KLHL36: variants seen among roughly 807,000 people sequenced by gnomAD.
KLHL36 encodes the protein kelch-like protein 36.
A neutral mutation model predicts 53.3 loss-of-function variants in KLHL36; 35 were observed. The ratio of observed to expected loss-of-function variants is 0.66; its 90% confidence interval spans 0.50 to 0.87. The LOEUF is 0.87. Among genes scored for constraint, KLHL36 ranks in the 40% least tolerant of loss-of-function variants. The pLI, the probability that KLHL36 is intolerant of heterozygous loss-of-function variation, is 0.00. For missense variants in KLHL36, 864 were observed against 897.6 expected, an observed-to-expected ratio of 0.96 and a Z score of 0.48; for synonymous variants, 472 against 398.9, an observed-to-expected ratio of 1.18 and a Z score of -2.18.
At chr16:84,659,370 A>G (rs1283750365) in intron 3 of KLHL36, 3 of 189,850 alleles carry the variant, frequency 1.6e-5, no homozygotes, top group Admixed American at 5.6e-5. Context: ...GAGCAGCACT[A>G]ACTTTACAAA....
At chr16:84,652,733 C>T (rs1369686314) in intron 2 of KLHL36, among the ~76,000 whole-genome samples, 1 of 152,232 alleles carries the variant, frequency 6.6e-6, no homozygotes, top group Non-Finnish European at 1.5e-5. Context: ...GTGGTTTGAT[C>T]TGCTTTTGAA....
chr16:84,657,713 C>G lies in KLHL36; in HGVS notation c.906C>G (p.Gly302=). The G allele has an allele frequency of 6.2e-7, 1 of 1,612,462 alleles. No individual in the cohort carries two copies. Among genetic ancestry groups the G allele is most frequent in the Non-Finnish European group, 8.5e-7 (1 of 1,179,726 alleles). Residue 302 remains glycine, a synonymous_variant, in exon 3 of 5, where the codon GGC becomes GGG. Coordinates refer to ENST00000564996, the MANE Select transcript of KLHL36 (RefSeq NM_024731.4). ...AGGAGCGCCTGCTGTTTGTGGGCGG[C>G]GAGGTCTCCGAGCGGTGTCTGGAGC... ...TNQERLLFVG[G]EVSERCLELS...
chr16:84,651,502 G>A (rs965139443), intron 2 of KLHL36, among the ~76,000 whole-genome samples: 1 of 152,204 alleles, frequency 6.6e-6, no homozygotes, highest in Non-Finnish European at 1.5e-5. Flanking sequence ...AGACCCGGCT[G>A]CTATACTTTC....
At chr16:84,660,683 G>A (rs182109588) in intron 4 of KLHL36, among the ~76,000 whole-genome samples, 1 of 152,078 alleles carries the variant, frequency 6.6e-6, no homozygotes, top group Non-Finnish European at 1.5e-5. Flanking sequence ...GTGCAGTGGC[G>A]CGATCTCGGC....
At chr16:84,660,704 C>T (rs1423480590) in intron 4 of KLHL36, among the ~76,000 whole-genome samples, 1 of 152,160 alleles carries the variant, frequency 6.6e-6, no homozygotes, top group African/African-American at 2.4e-5. Flanking sequence ...TCACTGCAAT[C>T]TCTGCCTCCT....
In KLHL36 at chr16:84,661,874, C is replaced by A. The variant is rs754689351; in HGVS notation, c.1592C>A (p.Pro531Gln). ...PQCNQWTRVAPLLHANSESGV... is the reference protein window; with the variant it reads ...PQCNQWTRVAQLLHANSESGV... ...TGCAACCAGTGGACCCGCGTGGCGC[C>A]GCTGCTGCACGCCAACAGCGAGTCG... Residue 531 changes from proline (P) to glutamine (Q), a missense_variant, in exon 5 of 5, where the codon CCG becomes CAG. By Grantham distance (76) the Pro-to-Gln change is moderately conservative. Transcript: ENST00000564996. This position sits in a 1 kb window ranked among gnomAD's most constrained non-coding sequence, Gnocchi z 7.9. The A allele has an allele frequency of 6.2e-7, 1 of 1,600,168 alleles. No homozygotes were observed. The highest frequency in any genetic ancestry group is 1.1e-5 in the South Asian group (1 of 90,642).
intron 2 of KLHL36, among the ~76,000 whole-genome samples, chr16:84,656,321 G>A (rs2150723396): frequency 6.6e-6 from 1 of 151,200 alleles, no homozygotes; most frequent in East Asian, 2.0e-4. Flanking sequence ...CCAGGCTGGA[G>A]TGTAGTGGTG....
intron 1 of KLHL36, among the ~76,000 whole-genome samples, chr16:84,649,916 G>C (rs1906738005): frequency 6.6e-6 from 1 of 152,178 alleles, no homozygotes; most frequent in Admixed American, 6.6e-5. Context: ...AGTTGGCAAA[G>C]TCCCTTCTCT....
At chr16:84,651,547 A>C (rs1906881065) in intron 2 of KLHL36, among the ~76,000 whole-genome samples, 1 of 152,194 alleles carries the variant, frequency 6.6e-6, no homozygotes, top group Non-Finnish European at 1.5e-5. Flanking sequence ...CTGTTGGTAA[A>C]GAGTGGGGGA....
Position 84,656,973 on chromosome 16 carries a change from C to CGT in KLHL36, c.170_171dup (p.Pro58CysfsTer33). 6.2e-7 allele frequency: 1 copy of CGT among 1,613,946 alleles called. No individual in the cohort carries two copies. Among genetic ancestry groups the CGT allele is most frequent in the Non-Finnish European group, 8.5e-7 (1 of 1,180,040 alleles). On this transcript the variant is annotated frameshift_variant, in exon 3 of 5. Coordinates refer to ENST00000564996, the MANE Select transcript of KLHL36 (RefSeq NM_024731.4). LOFTEE classifies it high-confidence loss of function. ...CGTCGTCCTGGTGGCCGATGAGCAG[C>CGT]GTGTGCCAGCCCATCGCAACCTGCT... is the stretch of plus-strand genomic sequence containing the variant.
In KLHL36 at chr16:84,664,998, C is replaced by G. The variant is rs1907761431; in HGVS notation, c.*2865C>G. 1 of 152,236 alleles carries G rather than the reference C, an allele frequency of 6.6e-6. No individual in the cohort carries two copies. Among genetic ancestry groups the G allele is most frequent in the African/African-American group, 2.4e-5 (1 of 41,456 alleles). The allele number at this position is 152,236 out of a possible 1,614,324, so 9.4% of individuals were successfully genotyped here. On this transcript the variant is annotated 3_prime_UTR_variant, in exon 5 of 5. Coordinates refer to ENST00000564996, the MANE Select transcript of KLHL36 (RefSeq NM_024731.4). ...CTATGACCACACCACTGCACTCTAA[C>G]CTGGGTGACGGAGTGAGACCCTGTC...
chr16:84,650,615 CATG>C (rs1247406972), intron 1 of KLHL36, among the ~76,000 whole-genome samples: 1 of 152,082 alleles, frequency 6.6e-6, no homozygotes, highest in East Asian at 1.9e-4. Flanking sequence ...AACCAAATGA[CATG>C]ATATCAGATT....
chr16:84,652,091 A>C lies in KLHL36; in HGVS notation c.63+1161A>C, dbSNP rs1042766057. ...CCAGCTTTATCGATTGTGAAAACCC[A>C]GAGAGGTCTCGCCGCTCGCTCACAA... is the stretch of plus-strand genomic sequence containing the variant. On this transcript the variant is annotated intron_variant, in intron 2 of 4. Coordinates refer to ENST00000564996, the MANE Select transcript of KLHL36 (RefSeq NM_024731.4). Among the ~76,000 whole-genome samples, 3 of 152,164 alleles carry C rather than the reference A, an allele frequency of 2.0e-5. No individual in the cohort carries two copies. The East Asian group carries it at 5.8e-4, about 29-fold the overall frequency.
intron 2 of KLHL36, among the ~76,000 whole-genome samples, chr16:84,655,140 A>G (rs1266531146): frequency 2.6e-5 from 4 of 152,234 alleles, no homozygotes; most frequent in African/African-American, 9.6e-5. Flanking sequence ...CTCTGAACTC[A>G]GAAGGAAATG....
chr16:84,660,500 G>T (rs978118609), intron 4 of KLHL36, among the ~76,000 whole-genome samples: 5 of 152,186 alleles, frequency 3.3e-5, no homozygotes, highest in African/African-American at 1.2e-4. Context: ...TTAGCAGAAG[G>T]TGCACACCAT....
rs758820508 is a variant in KLHL36, at chr16:84,657,463, C to T, written c.656C>T (p.Thr219Met). The T allele has an allele frequency of 1.2e-6, 2 of 1,606,554 alleles. No individual in the cohort carries two copies. Among genetic ancestry groups the T allele is most frequent in the Non-Finnish European group, 1.7e-6 (2 of 1,179,878 alleles). Residue 219 changes from threonine (T) to methionine (M), a missense_variant, in exon 3 of 5, where the codon ACG becomes ATG. Physicochemically the swap from Thr to Met is moderately conservative, Grantham distance 81. Transcript: ENST00000564996. ...DLLQAALQWL[T>M]QQPEREAHAR... Reference sequence around the variant, plus strand: ...CTGCAGGCCGCCCTGCAGTGGCTGACGCAGCAGCCCGAGCGCGAGGCCCAC... The same window carrying T: ...CTGCAGGCCGCCCTGCAGTGGCTGATGCAGCAGCCCGAGCGCGAGGCCCAC...
In KLHL36 at chr16:84,657,723, G is replaced by A. The variant is rs199789332; in HGVS notation, c.916G>A (p.Glu306Lys). The change falls in exon 3 of 5, where the codon GAG becomes AAG. Residue 306 changes from glutamate (E) to lysine (K), a missense_variant. Glu to Lys is a moderately conservative substitution (Grantham distance 56). Coordinates refer to ENST00000564996, the MANE Select transcript of KLHL36 (RefSeq NM_024731.4). Reference protein sequence around the residue: ...RLLFVGGEVSERCLELSDDTC... With the variant: ...RLLFVGGEVSKRCLELSDDTC... ...GCTGTTTGTGGGCGGCGAGGTCTCC[G>A]AGCGGTGTCTGGAGCTCAGTGACGA... 16 of 1,612,442 alleles carry A rather than the reference G, an allele frequency of 9.9e-6. No individual in the cohort carries two copies. The highest frequency in any genetic ancestry group is 4.4e-5 in the South Asian group (4 of 91,014).
Position 84,662,183 on chromosome 16 carries a change from T to C in KLHL36, c.*50T>C. ...TCCTCACCGTCACCTCCCAGGGCTCTGTAGACCAGCAGCAACTTCTTAGTA... is the reference window on the plus strand; with the variant it reads ...TCCTCACCGTCACCTCCCAGGGCTCCGTAGACCAGCAGCAACTTCTTAGTA... On this transcript the variant is annotated 3_prime_UTR_variant, in exon 5 of 5. Coordinates refer to ENST00000564996, the MANE Select transcript of KLHL36 (RefSeq NM_024731.4). 1 of 1,418,866 alleles carries C rather than the reference T, an allele frequency of 7.0e-7. No homozygotes were observed. Among genetic ancestry groups the C allele is most frequent in the South Asian group, 1.4e-5 (1 of 69,860 alleles). The allele number at this position is 1,418,866 out of a possible 1,614,324, so 87.9% of individuals were successfully genotyped here. A position where few individuals can be genotyped will look rare whatever the true frequency, so the allele number is the denominator to read the frequency against.
chr16:84,654,089 T>G (rs1907063549), intron 2 of KLHL36, among the ~76,000 whole-genome samples: 1 of 152,146 alleles, frequency 6.6e-6, no homozygotes. Flanking sequence ...CCCCCTGGGC[T>G]CTTTCCCTTT....
Sources: gnomAD v4.1 joint callset for allele counts (sites outside exome capture counted in the v4.1 genomes callset) on GRCh38, gnomAD v4.1.1 for gene constraint, Gnocchi (gnomAD v3.1) non-coding constraint, MANE v1.5 for transcripts, NCBI Gene and HGNC (gene_info 2026-07-23, HGNC 2026-07-21) for gene names.